LTBP1: variants seen among roughly 807,000 people sequenced by gnomAD.
LTBP1 encodes the protein latent-transforming growth factor beta-binding protein 1.
In LTBP1, 129 loss-of-function variants were observed where a neutral mutation model predicts 207.6. The observed-to-expected ratio is 0.62, with a 90% CI of 0.54 to 0.72. The LOEUF (loss-of-function observed/expected upper bound fraction) is 0.72, where lower values mean the gene tolerates loss of function less well. Ranked by LOEUF, LTBP1 falls within the 30% of genes least tolerant of loss-of-function variation. The pLI is 0.00. For missense variants in LTBP1, 2,281 were observed against 2,217.2 expected, an observed-to-expected ratio of 1.03 and a Z score of -0.58; for synonymous variants, 963 against 833.7, an observed-to-expected ratio of 1.16 and a Z score of -2.67.
At chr2:33,337,332 A>G (rs1268011983) in intron 24 of LTBP1, among the ~76,000 whole-genome samples, 1 of 152,182 alleles carries the variant, frequency 6.6e-6, no homozygotes, top group Non-Finnish European at 1.5e-5. Context: ...GACCCTCAAA[A>G]GCGTGGATCT....
At chr2:33,340,248 A>G (rs1174793406) in intron 24 of LTBP1, among the ~76,000 whole-genome samples, 1 of 127,736 alleles carries the variant, frequency 7.8e-6, no homozygotes, top group African/African-American at 3.1e-5. Context: ...ACAGAGCGAG[A>G]CTCTGTCTCA....
At chr2:33,176,382 C>T (rs888740270) in intron 5 of LTBP1, among the ~76,000 whole-genome samples, 2 of 151,958 alleles carry the variant, frequency 1.3e-5, no homozygotes, top group African/African-American at 2.4e-5. Flanking sequence ...CCCGCCACCA[C>T]GCCCGGCTAA....
chr2:33,049,433 T>C (rs1301166932), intron 3 of LTBP1, among the ~76,000 whole-genome samples: 1 of 152,164 alleles, frequency 6.6e-6, no homozygotes. Flanking sequence ...TTTTCAAATA[T>C]CTCTTTTGAG....
chr2:33,355,158 G>A (rs573417810), intron 26 of LTBP1, among the ~76,000 whole-genome samples: 7 of 152,018 alleles, frequency 4.6e-5, no homozygotes, highest in Middle Eastern at 3.4e-3. Context: ...CATGACGCCC[G>A]AGTGTCAGGA....
chr2:33,293,900 G>C (rs1376099130), intron 20 of LTBP1, among the ~76,000 whole-genome samples: 4 of 145,798 alleles, frequency 2.7e-5, no homozygotes, highest in African/African-American at 1.0e-4. Context: ...CAATATTCTA[G>C]TATATTCCTA....
At chr2:33,383,812 C>T (rs113229649) in intron 31 of LTBP1, among the ~76,000 whole-genome samples, 6,457 of 152,314 alleles carry the variant, frequency 0.042, 139 homozygotes, top group Non-Finnish European at 0.052. Flanking sequence ...GCTGGGATTA[C>T]AGGCGTGAGC....
At chr2:33,348,481 C>A (rs1449261523) in intron 26 of LTBP1, among the ~76,000 whole-genome samples, 1 of 152,046 alleles carries the variant, frequency 6.6e-6, no homozygotes, top group African/African-American at 2.4e-5. Context: ...TTCAAGTGAC[C>A]ACCACAACAA....
chr2:33,165,243 TG>T (rs2084817088), intron 5 of LTBP1, among the ~76,000 whole-genome samples: 2 of 152,200 alleles, frequency 1.3e-5, no homozygotes, highest in Admixed American at 1.3e-4. Context: ...GAGGGACTAT[TG>T]AGAAGGCTCT....
intron 7 of LTBP1, among the ~76,000 whole-genome samples, chr2:33,205,743 C>T (rs1192748539): frequency 3.3e-5 from 5 of 152,122 alleles, no homozygotes; most frequent in Admixed American, 6.5e-5. Context: ...ATGTTGAAGC[C>T]CCAAACCCCA....
chr2:33,354,784 C>T (rs11681841), intron 26 of LTBP1, among the ~76,000 whole-genome samples: 20,385 of 151,862 alleles, frequency 0.13, 1,855 homozygotes, highest in Non-Finnish European at 0.19. Flanking sequence ...CTCTGTTGCC[C>T]AGGCTGGAGT....
chr2:33,358,910 G>A (rs766240730), intron 26 of LTBP1, among the ~76,000 whole-genome samples: 2 of 152,238 alleles, frequency 1.3e-5, no homozygotes, highest in Admixed American at 6.5e-5. Context: ...CCCTTCTAAC[G>A]AAGATCCGTT....
At chr2:33,102,178 C>G (rs912809531) in intron 3 of LTBP1, among the ~76,000 whole-genome samples, 7 of 152,102 alleles carry the variant, frequency 4.6e-5, no homozygotes, top group Non-Finnish European at 7.4e-5. Flanking sequence ...GCTCTTCATT[C>G]ATATCTGTTG....
At chr2:33,188,450 T>A (rs1227319766) in intron 6 of LTBP1, 127 bp from the exon 7 acceptor site, 2 of 479,848 alleles carry the variant, frequency 4.2e-6, no homozygotes, top group Non-Finnish European at 6.9e-6. Context: ...AAAAAGAATT[T>A]TGATGGCTAT....
At chr2:33,163,808 TTAA>T (rs941355716) in intron 5 of LTBP1, among the ~76,000 whole-genome samples, 4 of 152,164 alleles carry the variant, frequency 2.6e-5, no homozygotes, top group African/African-American at 9.7e-5. Flanking sequence ...TGATTTCTAG[TTAA>T]TAAAGATTTG....
chr2:32,994,921 G>A (rs1394688122), intron 2 of LTBP1, among the ~76,000 whole-genome samples: 1 of 152,174 alleles, frequency 6.6e-6, no homozygotes, highest in Non-Finnish European at 1.5e-5. Flanking sequence ...TGGGCTTGGT[G>A]GCTTATGCCT....
intron 31 of LTBP1, among the ~76,000 whole-genome samples, chr2:33,385,028 A>G (rs1381798677): frequency 6.6e-6 from 1 of 152,208 alleles, no homozygotes; most frequent in Non-Finnish European, 1.5e-5. Context: ...TCTATGTAAG[A>G]CATTTCTGAT....
intron 5 of LTBP1, among the ~76,000 whole-genome samples, chr2:33,162,000 G>A (rs1399540117): frequency 6.6e-6 from 1 of 152,164 alleles, no homozygotes; most frequent in Non-Finnish European, 1.5e-5. Context: ...AGCTTCACAC[G>A]AGCTTGAGAA....
At chr2:33,157,261 C>T (rs1172594338) in intron 5 of LTBP1, among the ~76,000 whole-genome samples, 4 of 152,256 alleles carry the variant, frequency 2.6e-5, no homozygotes, top group South Asian at 2.1e-4. Context: ...GGCTAATGCA[C>T]GGATGAGGAT....
chr2:33,244,645 AT>A (rs932605792), intron 10 of LTBP1, among the ~76,000 whole-genome samples: 2 of 152,074 alleles, frequency 1.3e-5, no homozygotes, highest in African/African-American at 2.4e-5. Flanking sequence ...GCACTGTAAG[AT>A]TTTTTTTAAA....
Sources: gnomAD v4.1 joint callset for allele counts (sites outside exome capture counted in the v4.1 genomes callset) on GRCh38, gnomAD v4.1.1 for gene constraint, MANE v1.5 for transcripts, NCBI Gene and HGNC (gene_info 2026-07-23, HGNC 2026-07-21) for gene names.